The following NUP155 variants were observed in gnomAD, a reference collection of about 807,000 sequenced individuals.
The protein encoded by NUP155 is nuclear pore complex protein Nup155.
In NUP155, 71 loss-of-function variants were observed where a neutral mutation model predicts 180.4. The ratio of observed to expected loss-of-function variants is 0.39; its 90% CI spans 0.33 to 0.48. The LOEUF is 0.48. Ranked by LOEUF, NUP155 falls within the 20% of genes least tolerant of loss-of-function variation. The probability of loss-of-function intolerance (pLI) is 0.91; values close to 1 mark genes in which losing one functional copy is unlikely to be tolerated. For synonymous variants in NUP155, 582 were observed against 559.5 expected (o/e 1.04, Z -0.57); for missense variants, 1,553 against 1,648.9 (o/e 0.94, Z 1.01).
intron 27 of NUP155, among the ~76,000 whole-genome samples, chr5:37,303,710 C>A (rs562005391): frequency 1.3e-5 from 2 of 152,096 alleles, no homozygotes; most frequent in Non-Finnish European, 2.9e-5. Context: ...CTTTGGGAGG[C>A]CGAGGTGGGC....
intron 20 of NUP155, among the ~76,000 whole-genome samples, chr5:37,321,424 A>G (rs1744235465): frequency 6.6e-6 from 1 of 152,146 alleles, no homozygotes. Context: ...CTCCTGCTTA[A>G]AAGATAAAGA....
At chr5:37,370,565 A>T in intron 1 of NUP155, 1 of 1,036,282 alleles carries the variant, frequency 9.6e-7, no homozygotes, top group Non-Finnish European at 1.3e-6. Flanking sequence ...GAAGCTCATT[A>T]AGGTTGAGGT....
At chr5:37,367,869 C>T (rs1023935902) in intron 1 of NUP155, among the ~76,000 whole-genome samples, 1 of 151,910 alleles carries the variant, frequency 6.6e-6, no homozygotes, top group Non-Finnish European at 1.5e-5. Context: ...CTGCAACTTC[C>T]GCCTCCCTGG....
intron 27 of NUP155, among the ~76,000 whole-genome samples, chr5:37,303,813 G>A (rs1018846888): frequency 2.6e-5 from 4 of 151,148 alleles, no homozygotes; most frequent in Non-Finnish European, 4.4e-5. Flanking sequence ...TGGTGGTGCG[G>A]GCCTATAGTT....
intron 4 of NUP155, among the ~76,000 whole-genome samples, chr5:37,356,684 A>G (rs1279548919): frequency 1.3e-5 from 2 of 152,132 alleles, no homozygotes; most frequent in Admixed American, 6.5e-5. Context: ...TTTTAAATTT[A>G]AATCAATCAA....
chr5:37,307,191 C>G, intron 25 of NUP155, 106 bp downstream of exon 25: 1 of 1,091,340 alleles, frequency 9.2e-7, no homozygotes. Flanking sequence ...GAGCAAGACT[C>G]TGTCTCAAAA....
chr5:37,333,384 A>T, intron 13 of NUP155, 79 bp downstream of exon 13: 1 of 1,201,076 alleles, frequency 8.3e-7, no homozygotes, highest in Non-Finnish European at 1.2e-6. Context: ...TATTCAATTA[A>T]GCCACTACTT....
chr5:37,327,310 A>T, intron 18 of NUP155: 1 of 349,030 alleles, frequency 2.9e-6, no homozygotes, highest in Non-Finnish European at 5.5e-6. Flanking sequence ...TAATTAAGAA[A>T]GTCAAAAGTT....
In NUP155 at chr5:37,345,139, G is replaced by A. The variant is rs144423662; in HGVS notation, c.996-2493C>T. Among the ~76,000 whole-genome samples the A allele has an allele frequency of 3.2e-3, 491 of 151,738 alleles. 9 individuals carry two copies. Among genetic ancestry groups the A allele is most frequent in the African/African-American group, 0.012 (476 of 41,376 alleles). The stretch of plus-strand genomic sequence containing the variant: ...GTCAAGCACCACTGCACTCAATCCT[G>A]GGCAGCAGAGTTAAAAAAAAAAAGA... On this transcript the variant is annotated intron_variant, in intron 9 of 34. Coordinates refer to ENST00000231498, the MANE Select transcript of NUP155 (RefSeq NM_153485.3).
intron 4 of NUP155, among the ~76,000 whole-genome samples, chr5:37,354,729 T>A (rs1746701917): frequency 6.6e-6 from 1 of 151,870 alleles, no homozygotes. Context: ...AGTGCTGGGA[T>A]TACAGGTGTG....
rs368777239 is a variant in NUP155 at position 37,324,019 on chromosome 5, A to C, written c.2180T>G (p.Phe727Cys). Reference sequence around the variant, plus strand: ...TGGATTTCCTAATGGTCCTCCTGCAAACTGGGAGTTTCTGTCTAGAAATTC... The same window carrying C: ...TGGATTTCCTAATGGTCCTCCTGCACACTGGGAGTTTCTGTCTAGAAATTC... Reference protein sequence around the residue: ...LQEFLDRNSQFAGGPLGNPNT... With the variant: ...LQEFLDRNSQCAGGPLGNPNT... Residue 727 changes from phenylalanine to cysteine, a missense_variant, in exon 20 of 35, where the codon TTT becomes TGT. Phe to Cys is a radical substitution (Grantham distance 205). Transcript: ENST00000231498. 19 of 1,612,342 alleles carry C rather than the reference A, an allele frequency of 1.2e-5. No individual in the cohort carries two copies. The highest frequency in any genetic ancestry group is 1.6e-5 in the Non-Finnish European group (19 of 1,178,396).
At chr5:37,363,410 T>C (rs1747345924) in intron 3 of NUP155, among the ~76,000 whole-genome samples, 1 of 152,226 alleles carries the variant, frequency 6.6e-6, no homozygotes, top group Admixed American at 6.6e-5. Flanking sequence ...CAACATGCTG[T>C]ATTTAAGCAA....
chr5:37,359,333 A>G (rs1238129309), intron 3 of NUP155, among the ~76,000 whole-genome samples: 1 of 152,078 alleles, frequency 6.6e-6, no homozygotes, highest in Admixed American at 6.6e-5. Context: ...GCTGCTCCCC[A>G]TTCCAAACAT....
intron 12 of NUP155, 29 bp from the exon 13 acceptor site, chr5:37,333,662 A>T: frequency 6.3e-7 from 1 of 1,575,152 alleles, no homozygotes; most frequent in Non-Finnish European, 8.7e-7. Context: ...TGTTTTATAC[A>T]TCATATTGAA....
At position 37,351,219 on chromosome 5, in the gene NUP155, C is replaced by T; in HGVS notation, c.694G>A (p.Asp232Asn). Residue 232 changes from aspartate (D) to asparagine (N), a missense_variant, in exon 6 of 35, where the codon GAT (aspartate) becomes AAT (asparagine). Coordinates refer to ENST00000231498, the MANE Select transcript of NUP155 (RefSeq NM_153485.3). ...TAGGCTACTTCATATAAACAGCCAT[C>T]CTTTCCAGCCAAGAAAATTCTGCCA... is the stretch of plus-strand genomic sequence containing the variant. ...DNGRIFLAGK[D>N]GCLYEVAYQA... 6.2e-7 allele frequency: 1 copy of T among 1,613,806 alleles called. No homozygotes were observed. The highest frequency in any genetic ancestry group is 1.3e-5 in the African/African-American group (1 of 75,002).
chr5:37,307,242 CAAAGAAAAGTCTGTATCCAT>C, intron 25 of NUP155, 35 bp downstream of exon 25: 1 of 1,553,082 alleles, frequency 6.4e-7, no homozygotes, highest in African/African-American at 1.4e-5. Flanking sequence ...AAACATTATG[CAAAGAAAAGTCTGTATCCAT>C]AAAGATGACA....
Position 37,363,990 on chromosome 5 carries a change from G to A in NUP155, c.296-6C>T, listed in dbSNP as rs1747382242. The A allele has an allele frequency of 6.3e-7, 1 of 1,598,370 alleles. No homozygotes were observed. The highest frequency in any genetic ancestry group is 1.1e-5 in the South Asian group (1 of 90,768). Reference sequence around the variant, plus strand: ...CATGCAATTACACTGCATATCTGAGGTAGTGTGGATGTAAGGCAGACAGAG... The same window carrying A: ...CATGCAATTACACTGCATATCTGAGATAGTGTGGATGTAAGGCAGACAGAG... On this transcript the variant is annotated splice_region_variant and splice_polypyrimidine_tract_variant and intron_variant, in intron 2 of 34. Coordinates refer to ENST00000231498, the MANE Select transcript of NUP155 (RefSeq NM_153485.3).
At chr5:37,355,493 G>C (rs1477869188) in intron 4 of NUP155, among the ~76,000 whole-genome samples, 1 of 151,594 alleles carries the variant, frequency 6.6e-6, no homozygotes, top group Non-Finnish European at 1.5e-5. Context: ...CTGGGTGACA[G>C]TGAGACACTG....
chr5:37,342,511 G>T (rs780527369), intron 10 of NUP155, 38 bp downstream of exon 10: 61 of 1,253,418 alleles, frequency 4.9e-5, no homozygotes, highest in Admixed American at 1.5e-4. Flanking sequence ...TTCAGAAGTT[G>T]TAACAGTAAT....
Sources: allele counts gnomAD v4.1 joint callset (sites outside exome capture counted in the v4.1 genomes callset), GRCh38; gene constraint gnomAD v4.1.1; transcripts MANE v1.5; gene names NCBI Gene and HGNC (gene_info 2026-07-23, HGNC 2026-07-21).